CACNA2D2: variants seen among roughly 807,000 people sequenced by gnomAD.
CACNA2D2 encodes the protein voltage-dependent calcium channel subunit alpha-2/delta-2.
In CACNA2D2, 48 loss-of-function variants were observed where a neutral mutation model predicts 166.4. The ratio of observed to expected loss-of-function variants is 0.29; its 90% CI spans 0.23 to 0.37. The LOEUF (loss-of-function observed/expected upper bound fraction) is 0.37. Ranked by LOEUF, CACNA2D2 falls within the 10% of genes least tolerant of loss-of-function variation. The pLI, the probability that CACNA2D2 is intolerant of heterozygous loss-of-function variation, is 1.00. For missense variants in CACNA2D2, 1,122 were observed against 1,433.0 expected, an observed-to-expected ratio of 0.78 and a Z score of 3.50; for synonymous variants, 561 against 573.7, an observed-to-expected ratio of 0.98 and a Z score of 0.32.
At chr3:50,476,647 G>A (rs1697785758) in intron 1 of CACNA2D2, among the ~76,000 whole-genome samples, 1 of 152,182 alleles carries the variant, frequency 6.6e-6, no homozygotes, top group African/African-American at 2.4e-5. Flanking sequence ...AGAAGGGGAC[G>A]GAACACTGCT....
At chr3:50,457,945 G>A (rs575755235) in intron 2 of CACNA2D2, among the ~76,000 whole-genome samples, 13 of 152,288 alleles carry the variant, frequency 8.5e-5, no homozygotes, top group Admixed American at 3.3e-4. Flanking sequence ...GACCTGCCCT[G>A]ACTCACTCAG....
intron 3 of CACNA2D2, among the ~76,000 whole-genome samples, chr3:50,395,455 G>T (rs73832871): frequency 0.034 from 5,143 of 152,246 alleles, 317 homozygotes; most frequent in African/African-American, 0.12. Flanking sequence ...GGGTGGCTCT[G>T]GTCTCTCACC....
At position 50,387,723 on chromosome 3, in the gene CACNA2D2, G is replaced by A. The variant is rs1199680043; in HGVS notation, c.466-111C>T. The A allele has an allele frequency of 4.8e-6, 4 of 836,260 alleles. No homozygotes were observed. In the East Asian group the frequency reaches 7.7e-5, roughly 16 times the overall value. 51.8% of individuals were successfully genotyped at this position (836,260 alleles called of 1,614,324 possible). On this transcript the variant is annotated intron_variant, in intron 4 of 37. Coordinates refer to ENST00000424201, the MANE Select transcript of CACNA2D2 (RefSeq NM_006030.4). ...CTTAGATTCCTCTGGGGCAGAGACT[G>A]TCCCTTTCCCCCACCCAGAGCCCCC...
At chr3:50,492,106 C>A (rs1163431574) in intron 1 of CACNA2D2, among the ~76,000 whole-genome samples, 1 of 152,244 alleles carries the variant, frequency 6.6e-6, no homozygotes, top group Admixed American at 6.5e-5. Flanking sequence ...CCTGAAGTCA[C>A]CCTCCCCGCA....
intron 2 of CACNA2D2, among the ~76,000 whole-genome samples, chr3:50,450,532 A>G (rs958821144): frequency 1.3e-5 from 2 of 152,202 alleles, no homozygotes; most frequent in African/African-American, 4.8e-5. Flanking sequence ...CTCGCCCACC[A>G]GAGCCAGGAA....
intron 2 of CACNA2D2, among the ~76,000 whole-genome samples, chr3:50,468,380 A>AGTGTGT (rs3220659): frequency 0.079 from 6,561 of 82,938 alleles, 629 homozygotes; most frequent in East Asian, 0.099. Context: ...TCATCAGAAT[A>AGTGTGT]GTGTGTGTGT....
chr3:50,369,879 G>A (rs1704560940), intron 23 of CACNA2D2, among the ~76,000 whole-genome samples: 1 of 152,216 alleles, frequency 6.6e-6, no homozygotes, highest in South Asian at 2.1e-4. Context: ...AGGGGCTCTG[G>A]CTGGCTCGGC....
chr3:50,404,521 G>A (rs1706600457), intron 3 of CACNA2D2, among the ~76,000 whole-genome samples: 1 of 152,158 alleles, frequency 6.6e-6, no homozygotes, highest in Non-Finnish European at 1.5e-5. Context: ...CCCTGCCCTG[G>A]TGCCAGATCA....
intron 3 of CACNA2D2, among the ~76,000 whole-genome samples, chr3:50,404,064 G>C (rs1185815927): frequency 6.6e-6 from 1 of 152,250 alleles, no homozygotes; most frequent in Admixed American, 6.5e-5. Context: ...TCACAGTCAA[G>C]GGGTCAGGGG....
At chr3:50,503,176 C>G in intron 1 of CACNA2D2, 42 bp downstream of exon 1, 1 of 1,143,100 alleles carries the variant, frequency 8.7e-7, no homozygotes, top group Non-Finnish European at 1.1e-6. Flanking sequence ...GAGCGGGGCG[C>G]AAGGCTCGGC....
At chr3:50,454,004 C>G (rs961786351) in intron 2 of CACNA2D2, among the ~76,000 whole-genome samples, 1 of 152,208 alleles carries the variant, frequency 6.6e-6, no homozygotes, top group South Asian at 2.1e-4. Flanking sequence ...CCCTCCACAC[C>G]CGGGTTCCGG....
At position 50,365,498 on chromosome 3, in the gene CACNA2D2, G is replaced by A. The variant is rs182425252; in HGVS notation, c.2972-16C>T. The A allele has an allele frequency of 1.2e-6, 2 of 1,612,514 alleles. No individual in the cohort carries two copies. Among genetic ancestry groups the A allele is most frequent in the African/African-American group, 2.7e-5 (2 of 75,032 alleles). On this transcript the variant is annotated splice_polypyrimidine_tract_variant and intron_variant, in intron 34 of 37. Transcript: ENST00000424201. The surrounding 1 kb of genome is among the most constrained non-coding windows in gnomAD (Gnocchi z 4.5). ...TCCGCGGGGTCTGCGAGGGCCCAGA[G>A]CGCCTCAGCTCCGCCCACAGACCCT...
chr3:50,400,206 C>G (rs1334833927), intron 3 of CACNA2D2, among the ~76,000 whole-genome samples: 2 of 152,182 alleles, frequency 1.3e-5, no homozygotes, highest in Non-Finnish European at 2.9e-5. Flanking sequence ...GCAGCTCTGC[C>G]AGGGGGGAGC....
chr3:50,396,651 G>A lies in CACNA2D2; in HGVS notation c.406-2483C>T, dbSNP rs185472519. On this transcript the variant is annotated intron_variant, in intron 3 of 37. Coordinates refer to ENST00000424201, the MANE Select transcript of CACNA2D2 (RefSeq NM_006030.4). ...TTCGCAATGCTTGTCACCAGTGTTAGGCGAGCACCTGCAGTACAGCAGGTG... is the reference window on the plus strand; with the variant it reads ...TTCGCAATGCTTGTCACCAGTGTTAAGCGAGCACCTGCAGTACAGCAGGTG... Among the ~76,000 whole-genome samples the A allele has an allele frequency of 9.2e-5, 14 of 152,298 alleles. No homozygotes were observed. The East Asian group carries it at 1.9e-3, about 21-fold the overall frequency.
chr3:50,431,601 G>C (rs1254930710), intron 3 of CACNA2D2, among the ~76,000 whole-genome samples: 1 of 152,186 alleles, frequency 6.6e-6, no homozygotes, highest in Admixed American at 6.5e-5. Flanking sequence ...TTCCTTCTCC[G>C]GGTTGCTGTG....
intron 3 of CACNA2D2, among the ~76,000 whole-genome samples, chr3:50,425,362 C>T (rs1707758545): frequency 6.6e-6 from 1 of 152,210 alleles, no homozygotes; most frequent in African/African-American, 2.4e-5. Flanking sequence ...TTTGGAAATT[C>T]CACCTGCCTT....
intron 3 of CACNA2D2, 45 bp downstream of exon 3, chr3:50,434,268 G>T: frequency 1.5e-6 from 2 of 1,339,160 alleles, no homozygotes; most frequent in Non-Finnish European, 2.1e-6. Context: ...TCTCCACCTG[G>T]CCCTCCCTCA....
chr3:50,364,942 C>G lies in CACNA2D2; in HGVS notation c.3237G>C (p.Val1079=). 1.9e-6 allele frequency: 3 copies of G among 1,613,168 alleles called. No individual in the cohort carries two copies. Among genetic ancestry groups the G allele is most frequent in the Non-Finnish European group, 2.5e-6 (3 of 1,179,852 alleles). ...HSDGPEQCEL[V]QRPRYRRGPH... is the part of the protein sequence containing the mutation. ...GGCCTCTCCGGTATCGCGGTCTCTG[C>G]ACTAGCTCACACTGCTCCGGGCCGT... The change falls in exon 37 of 38, where the codon GTG becomes GTC. Residue 1079 remains valine (V), a synonymous_variant. Coordinates refer to ENST00000424201, the MANE Select transcript of CACNA2D2 (RefSeq NM_006030.4).
At chr3:50,472,918 T>C (rs1215060821) in intron 2 of CACNA2D2, among the ~76,000 whole-genome samples, 1 of 152,180 alleles carries the variant, frequency 6.6e-6, no homozygotes, top group East Asian at 1.9e-4. Context: ...GAAAAGAGGC[T>C]CCAGACACCT....
Sources: allele counts gnomAD v4.1 joint callset (sites outside exome capture counted in the v4.1 genomes callset), GRCh38; gene constraint gnomAD v4.1.1; non-coding constraint Gnocchi (gnomAD v3.1); transcripts MANE v1.5; gene names NCBI Gene and HGNC (gene_info 2026-07-23, HGNC 2026-07-21).